The following DST variants were observed in gnomAD, a reference collection of about 807,000 sequenced individuals.
DST encodes the protein bullous pemphigoid antigen.
A neutral mutation model predicts 875.2 loss-of-function variants in DST; 253 were observed. The ratio of observed to expected loss-of-function variants is 0.29; its 90% CI spans 0.26 to 0.32. The LOEUF (loss-of-function observed/expected upper bound fraction) is 0.32. DST is among the 10% of genes least tolerant of loss of function. The pLI, the probability that DST is intolerant of heterozygous loss-of-function variation, is 1.00. For missense variants in DST, 8,287 were observed against 9,111.6 expected, an observed-to-expected ratio of 0.91 and a Z score of 3.68; for synonymous variants, 3,124 against 3,197.1, an observed-to-expected ratio of 0.98 and a Z score of 0.77.
chr6:56,471,998 A>C, intron 94 of DST, 61 bp downstream of exon 94: 1 of 1,542,858 alleles, frequency 6.5e-7, no homozygotes, highest in Non-Finnish European at 9.0e-7. Context: ...TGGCAATGGC[A>C]ATGTGTTATG....
intron 12 of DST, 75 bp from the exon 13 acceptor site, chr6:56,648,764 A>ATGACTTCT: frequency 7.8e-7 from 1 of 1,275,956 alleles, no homozygotes; most frequent in Non-Finnish European, 1.1e-6. Flanking sequence ...TTTAGTCAGA[A>ATGACTTCT]GTCATTCTGT....
chr6:56,591,057 G>A (rs9396225), intron 49 of DST, among the ~76,000 whole-genome samples: 65,182 of 152,066 alleles, frequency 0.43, 14,504 homozygotes, highest in African/African-American at 0.51. Context: ...TTTTCTAGCT[G>A]TAGCAGTAAT....
intron 69 of DST, among the ~76,000 whole-genome samples, chr6:56,524,916 C>G (rs1339660954): frequency 1.2e-5 from 1 of 86,298 alleles, no homozygotes; most frequent in Admixed American, 1.1e-4. Context: ...AGGACTAATT[C>G]TATCAGAAAA....
intron 81 of DST, 142 bp downstream of exon 81, chr6:56,497,714 G>T: frequency 2.1e-6 from 2 of 961,676 alleles, no homozygotes; most frequent in Non-Finnish European, 1.5e-6. Flanking sequence ...CTCTTCTGCT[G>T]TTCTGTTCTT....
intron 47 of DST, among the ~76,000 whole-genome samples, chr6:56,595,679 A>G (rs1005784881): frequency 6.6e-6 from 1 of 152,204 alleles, no homozygotes; most frequent in Non-Finnish European, 1.5e-5. Context: ...CTCACTGTCT[A>G]TAACAGTGCC....
intron 55 of DST, among the ~76,000 whole-genome samples, chr6:56,568,236 T>C (rs1054904275): frequency 6.6e-6 from 1 of 152,256 alleles, no homozygotes; most frequent in Non-Finnish European, 1.5e-5. Flanking sequence ...TACATATTAA[T>C]TTAGCTACAT....
chr6:56,476,944 T>C (rs2095222829), intron 91 of DST, among the ~76,000 whole-genome samples: 1 of 151,246 alleles, frequency 6.6e-6, no homozygotes, highest in East Asian at 2.0e-4. Context: ...AAATCGAGAC[T>C]CCGTCAAAAG....
rs35405082 is a variant in DST at position 56,790,985 on chromosome 6, T to C, written c.626-55696A>G. ...ACAAATTCCTTCCCACTTAGAAAGG[T>C]TGAAGGTGAGAGACAAGATGCAGAG... On this transcript the variant is annotated intron_variant, in intron 4 of 103. Coordinates refer to ENST00000680361, the MANE Select transcript of DST (RefSeq NM_001374736.1). Among the ~76,000 whole-genome samples, 630 of 152,102 alleles carry C rather than the reference T, an allele frequency of 4.1e-3. 3 individuals carry two copies. Among genetic ancestry groups the C allele is most frequent in the Non-Finnish European group, 7.1e-3 (480 of 67,978 alleles).
At chr6:56,561,959 C>T (rs757760535) in intron 56 of DST, among the ~76,000 whole-genome samples, 179 bp downstream of exon 56, 3 of 151,908 alleles carry the variant, frequency 2.0e-5, no homozygotes, top group Admixed American at 6.6e-5. Flanking sequence ...TTCAGATACA[C>T]AAAACTGCAA....
chr6:56,617,093 ACTT>A lies in DST; in HGVS notation c.4930-2612_4930-2610del, dbSNP rs1238832573. 2.0e-5 allele frequency: 32 copies of A among 1,613,850 alleles called. No homozygotes were observed. The highest frequency in any genetic ancestry group is 2.5e-5 in the Non-Finnish European group (30 of 1,179,900). ...CAGAAACTTGTTAAGAGTTTTCTGAACTTCTTCAACAGTCTTAAGACCGAGTCG... is the reference window on the plus strand; with the variant it reads ...CAGAAACTTGTTAAGAGTTTTCTGAACTTCAACAGTCTTAAGACCGAGTCG... On this transcript the variant is annotated intron_variant, in intron 36 of 103. Coordinates refer to ENST00000680361, the MANE Select transcript of DST (RefSeq NM_001374736.1).
At chr6:56,525,772 T>C (rs1251581807) in intron 69 of DST, among the ~76,000 whole-genome samples, 1 of 152,198 alleles carries the variant, frequency 6.6e-6, no homozygotes, top group African/African-American at 2.4e-5. Context: ...GCCCACAGTC[T>C]TCCCAGGGAG....
Position 56,630,251 on chromosome 6 carries a change from A to G in DST, c.4275T>C (p.Thr1425=), listed in dbSNP as rs1192803206. The G allele has an allele frequency of 3.1e-6, 5 of 1,589,324 alleles. No homozygotes were observed. The highest frequency in any genetic ancestry group is 3.4e-6 in the Non-Finnish European group (4 of 1,159,754). Residue 1425 remains threonine (T), a synonymous_variant, in exon 31 of 104, where the codon ACT becomes ACC. Transcript: ENST00000680361. ...DKNNIENLIS[T]LKQWRSEVDE... is the part of the protein sequence containing the mutation. ...CCAAAAGTGAGTCTCATACCTTTAA[A>G]GTACTTATTAGATTCTCAATATTAT...
chr6:56,619,203 A>G, intron 36 of DST: 1 of 1,613,988 alleles, frequency 6.2e-7, no homozygotes, highest in Non-Finnish European at 8.5e-7. Context: ...AGTGCTTCAC[A>G]TCTTTGCTGG....
chr6:56,929,448 A>G (rs1592614674), intron 2 of DST, among the ~76,000 whole-genome samples: 1 of 152,300 alleles, frequency 6.6e-6, no homozygotes, highest in African/African-American at 2.4e-5. Context: ...GATGCAAAAC[A>G]GTGTATACAA....
In DST at chr6:56,494,131, A is replaced by C. The variant is rs772356953; in HGVS notation, c.20273T>G (p.Met6758Arg). The change falls in exon 83 of 104, where the codon ATG becomes AGG. Residue 6758 changes from methionine (M) to arginine (R), a missense_variant. Coordinates refer to ENST00000680361, the MANE Select transcript of DST (RefSeq NM_001374736.1). ...TGCAAGCATCTGCTGGCCTTTCTGC[A>C]TCAGACTCTTATATGTTTCTTCTTT... The part of the protein sequence containing the change: ...EAKEETYKSL[M>R]QKGQQMLARC... 6.2e-7 allele frequency: 1 copy of C among 1,611,652 alleles called. No homozygotes were observed. The highest frequency in any genetic ancestry group is 8.5e-7 in the Non-Finnish European group (1 of 1,178,446).
At position 56,606,214 on chromosome 6, in the gene DST, T is replaced by C. The variant is rs375421365; in HGVS notation, c.8414A>G (p.Asp2805Gly). The C allele has an allele frequency of 4.5e-6, 7 of 1,571,306 alleles. No individual in the cohort carries two copies. The highest frequency in any genetic ancestry group is 2.7e-5 in the African/African-American group (2 of 73,966). Reference protein sequence around the residue: ...GDYIYDSNDQDDDDDDGIDEE... With the variant: ...GDYIYDSNDQGDDDDDGIDEE... ...ATCAATGCCATCATCATCATCGTCA[T>C]CCTGATCATTACTGTCATATATATA... is the stretch of plus-strand genomic sequence containing the variant. The change falls in exon 40 of 104, where the codon GAT becomes GGT. Residue 2805 changes from aspartate (D) to glycine (G), a missense_variant. Physicochemically the swap from Asp to Gly is moderately conservative, Grantham distance 94 (BLOSUM62 -1). Transcript: ENST00000680361.
intron 36 of DST, chr6:56,620,850 A>T: frequency 2.5e-6 from 2 of 787,436 alleles, no homozygotes; most frequent in Non-Finnish European, 4.4e-6. Flanking sequence ...CACCACCAGC[A>T]GCATCACCTT....
At chr6:56,742,909 C>A (rs545496247) in intron 4 of DST, among the ~76,000 whole-genome samples, 201 of 152,224 alleles carry the variant, frequency 1.3e-3, no homozygotes, top group African/African-American at 4.6e-3. Flanking sequence ...TTGGATTTCA[C>A]AATAATTCTG....
intron 3 of DST, among the ~76,000 whole-genome samples, chr6:56,869,138 G>A (rs890777970): frequency 1.5e-4 from 23 of 152,138 alleles, no homozygotes; most frequent in African/African-American, 5.6e-4. Flanking sequence ...GGTACATATG[G>A]CTCTGATCTG....
Sources: gnomAD v4.1 joint callset for allele counts (sites outside exome capture counted in the v4.1 genomes callset) on GRCh38, gnomAD v4.1.1 for gene constraint, MANE v1.5 for transcripts, NCBI Gene and HGNC (gene_info 2026-07-23, HGNC 2026-07-21) for gene names.